Variants in PCDHA8 observed in about 807,000 individuals in gnomAD.
The protein encoded by PCDHA8 is protocadherin alpha 8, also known as protocadherin alpha-8.
A neutral mutation model predicts 61.8 loss-of-function variants in PCDHA8; 53 were observed. The observed-to-expected ratio is 0.86, with a 90% confidence interval of 0.69 to 1.08. PCDHA8 has a LOEUF of 1.08. Ranked by LOEUF, PCDHA8 falls within the 50% of genes least tolerant of loss-of-function variation. The pLI is 0.00. For missense variants in PCDHA8, 1,293 were observed against 1,245.0 expected, an observed-to-expected ratio of 1.04 and a Z score of -0.58; for synonymous variants, 618 against 556.6, an observed-to-expected ratio of 1.11 and a Z score of -1.55.
In PCDHA8 at chr5:140,843,304, C is replaced by A. The variant is rs2150356889; in HGVS notation, c.1983C>A (p.Ala661=). 5.6e-6 allele frequency: 9 copies of A among 1,595,876 alleles called. No individual in the cohort carries two copies. The highest frequency in any genetic ancestry group is 7.7e-6 in the Non-Finnish European group (9 of 1,165,570). Residue 661 remains alanine, a synonymous_variant, in exon 1 of 4, where the codon GCC becomes GCA. Coordinates refer to ENST00000531613, the MANE Select transcript of PCDHA8 (RefSeq NM_018911.3). Reference sequence around the variant, plus strand: ...ATCATGGTGAACCTGCGCTGACCGCCACGGCCACGGTTCTGGTGTCGCTGG... The same window carrying A: ...ATCATGGTGAACCTGCGCTGACCGCAACGGCCACGGTTCTGGTGTCGCTGG... ...VKDHGEPALT[A]TATVLVSLVE...
At chr5:140,917,379 T>C (rs1393963383) in intron 1 of PCDHA8, among the ~76,000 whole-genome samples, 1 of 147,708 alleles carries the variant, frequency 6.8e-6, no homozygotes, top group African/African-American at 2.5e-5. Context: ...TCCACCTCAA[T>C]AGTCTGATGT....
chr5:140,932,703 G>A (rs1218359293), intron 1 of PCDHA8, among the ~76,000 whole-genome samples: 2 of 151,660 alleles, frequency 1.3e-5, no homozygotes, highest in Non-Finnish European at 3.0e-5. Flanking sequence ...AACTCATATA[G>A]ACAACACAAT....
At chr5:140,895,862 A>T (rs1199310977) in intron 1 of PCDHA8, among the ~76,000 whole-genome samples, 1 of 152,136 alleles carries the variant, frequency 6.6e-6, no homozygotes, top group Non-Finnish European at 1.5e-5. Context: ...CCCAGGCTGG[A>T]GTGCAATGGC....
At chr5:140,863,975 T>G (rs1429361559) in intron 1 of PCDHA8, 2 of 153,508 alleles carry the variant, frequency 1.3e-5, no homozygotes, top group Non-Finnish European at 2.9e-5. Context: ...CACTACAGCC[T>G]GGGAGACAGG....
At chr5:140,943,893 A>AT (rs1364551909) in intron 1 of PCDHA8, among the ~76,000 whole-genome samples, 3 of 152,226 alleles carry the variant, frequency 2.0e-5, no homozygotes, top group Non-Finnish European at 4.4e-5. Flanking sequence ...ACTGGTCATT[A>AT]TGATGTCATG....
In PCDHA8 at chr5:140,842,895, A is replaced by G; in HGVS notation, c.1574A>G (p.His525Arg). The change falls in exon 1 of 4, where the codon CAC becomes CGC. Residue 525 changes from histidine (H) to arginine (R), a missense_variant. Coordinates refer to ENST00000531613, the MANE Select transcript of PCDHA8 (RefSeq NM_018911.3). ...GKVYALQPLD[H>R]EELELLQFQV... is the part of the protein sequence containing the mutation. ...GTGTACGCGCTGCAGCCGCTGGACC[A>G]CGAGGAGCTAGAGCTGCTGCAGTTC... 8 of 1,594,156 alleles carry G rather than the reference A, an allele frequency of 5.0e-6. 1 individual carries two copies. Among genetic ancestry groups the G allele is most frequent in the Non-Finnish European group, 6.9e-6 (8 of 1,165,410 alleles).
intron 1 of PCDHA8, among the ~76,000 whole-genome samples, chr5:140,957,852 A>T (rs968818783): frequency 6.6e-6 from 1 of 151,658 alleles, no homozygotes. Flanking sequence ...GAGTTTGTGT[A>T]TTTTTTTTCC....
At chr5:141,005,093 G>A (rs1441843884) in intron 3 of PCDHA8, among the ~76,000 whole-genome samples, 1 of 152,172 alleles carries the variant, frequency 6.6e-6, no homozygotes, top group East Asian at 1.9e-4. Flanking sequence ...TACTTTACAT[G>A]CATTACATCA....
intron 1 of PCDHA8, chr5:140,884,656 G>C (rs782439139): frequency 1.9e-6 from 3 of 1,602,178 alleles, no homozygotes; most frequent in Admixed American, 1.7e-5. Context: ...CAGAATGCTT[G>C]AAAGAGGTAA....
chr5:140,968,855 A>G (rs2096275634), intron 1 of PCDHA8: 2 of 1,614,198 alleles, frequency 1.2e-6, no homozygotes, highest in Non-Finnish European at 1.7e-6. Flanking sequence ...GCATGTTAAG[A>G]GCCCTCGGAC....
chr5:140,999,505 A>C (rs1221080631), intron 3 of PCDHA8, among the ~76,000 whole-genome samples: 3 of 152,134 alleles, frequency 2.0e-5, no homozygotes, highest in African/African-American at 7.2e-5. Flanking sequence ...AAGAACCTAC[A>C]TTTTAAGCAT....
chr5:140,877,776 C>A (rs2057336039), intron 1 of PCDHA8: 3 of 1,614,032 alleles, frequency 1.9e-6, no homozygotes, highest in South Asian at 1.1e-5. Context: ...CCAAGACGGA[C>A]CTCATGGCCT....
chr5:140,917,333 G>GT (rs1401985588), intron 1 of PCDHA8, among the ~76,000 whole-genome samples: 2 of 148,632 alleles, frequency 1.3e-5, no homozygotes, highest in Admixed American at 6.7e-5. Context: ...GCGGGGGAGG[G>GT]GGGGGATGGT....
chr5:140,941,284 TTCTC>T (rs1234192371), intron 1 of PCDHA8, among the ~76,000 whole-genome samples: 2 of 124,572 alleles, frequency 1.6e-5, no homozygotes, highest in African/African-American at 2.8e-5. Flanking sequence ...CTTCCTTCCT[TTCTC>T]TTTCTTTCTT....
Position 140,842,406 on chromosome 5 carries a change from A to G in PCDHA8, c.1085A>G (p.Asp362Gly). 1 of 1,612,200 alleles carries G rather than the reference A, an allele frequency of 6.2e-7. No homozygotes were observed. The highest frequency in any genetic ancestry group is 8.5e-7 in the Non-Finnish European group (1 of 1,178,362). ...LTSLSLPVRE[D>G]AQFGTVIALI... ...TCCTTATCCTTGCCTGTACGTGAAG[A>G]CGCTCAATTTGGTACTGTCATCGCC... is the stretch of plus-strand genomic sequence containing the variant. The change falls in exon 1 of 4, where the codon GAC becomes GGC. Residue 362 changes from aspartate to glycine, a missense_variant. Transcript: ENST00000531613.
chr5:140,946,781 G>A (rs1006814243), intron 1 of PCDHA8, among the ~76,000 whole-genome samples: 6 of 151,330 alleles, frequency 4.0e-5, no homozygotes, highest in African/African-American at 1.2e-4. Flanking sequence ...ATGTAAAAAA[G>A]CTGATCTTAT....
Position 140,841,515 on chromosome 5 carries a change from G to T in PCDHA8, c.194G>T (p.Arg65Leu), listed in dbSNP as rs2150317088. 6 of 1,606,628 alleles carry T rather than the reference G, an allele frequency of 3.7e-6. No individual in the cohort carries two copies. The highest frequency in any genetic ancestry group is 3.5e-4 in the Middle Eastern group (2 of 5,644). Residue 65 changes from arginine to leucine, a missense_variant, in exon 1 of 4, where the codon CGG (arginine) becomes CTG (leucine). Arg to Leu is a moderately radical substitution (Grantham distance 102). Transcript: ENST00000531613. Reference sequence around the variant, plus strand: ...GCGGAGCTGGTGCCGCGCCTGTTCCGGGTGGCGTCCAAAAGACACCGGGAC... The same window carrying T: ...GCGGAGCTGGTGCCGCGCCTGTTCCTGGTGGCGTCCAAAAGACACCGGGAC... ...ELAELVPRLF[R>L]VASKRHRDLL...
chr5:140,860,664 A>T (rs1400061239), intron 1 of PCDHA8: 2 of 152,252 alleles, frequency 1.3e-5, no homozygotes, highest in Non-Finnish European at 2.9e-5. Context: ...AATAATATGA[A>T]ATCAAATGCA....
intron 1 of PCDHA8, chr5:140,850,708 C>A: frequency 6.3e-7 from 1 of 1,598,016 alleles, no homozygotes; most frequent in Non-Finnish European, 8.6e-7. Flanking sequence ...GGCAAGCCGA[C>A]GCTGGTGTGT....
Sources: allele counts gnomAD v4.1 joint callset (sites outside exome capture counted in the v4.1 genomes callset), GRCh38; gene constraint gnomAD v4.1.1; transcripts MANE v1.5; gene names NCBI Gene and HGNC (gene_info 2026-07-23, HGNC 2026-07-21).